Variants in COL11A2 observed in about 807,000 individuals in gnomAD.
The protein encoded by COL11A2 is collagen type XI alpha 2 chain.
Under a neutral mutation model 273.4 loss-of-function variants are expected in COL11A2, and 116 were observed. The observed-to-expected ratio is 0.42, with a 90% CI of 0.36 to 0.49. The LOEUF (loss-of-function observed/expected upper bound fraction) is 0.49. Ranked by LOEUF, COL11A2 falls within the 20% of genes least tolerant of loss-of-function variation. COL11A2 has a pLI of 0.00. For missense variants in COL11A2, 1,866 were observed against 2,309.0 expected (o/e 0.81, Z 3.93); for synonymous variants, 782 against 864.2 (o/e 0.90, Z 1.67).
At position 33,175,998 on chromosome 6, in the gene COL11A2, T is replaced by C. The variant is rs1770845175; in HGVS notation, c.2268+18A>G. On this transcript the variant is annotated intron_variant, in intron 29 of 65. Coordinates refer to ENST00000341947, the MANE Select transcript of COL11A2 (RefSeq NM_080680.3). ...CAGTAGAACACGGAATTGGGGCCAGTGTGGGGTCTCTACTCACCCTGTCAC... is the reference window on the plus strand; with the variant it reads ...CAGTAGAACACGGAATTGGGGCCAGCGTGGGGTCTCTACTCACCCTGTCAC... 3 of 1,612,770 alleles carry C rather than the reference T, an allele frequency of 1.9e-6. No homozygotes were observed. The highest frequency in any genetic ancestry group is 2.5e-6 in the Non-Finnish European group (3 of 1,179,914).
chr6:33,173,922 G>T lies in COL11A2; in HGVS notation c.2534C>A (p.Pro845Gln). ...ACCTCGGGGTCCCCGCTGACCCCGT[G>T]GACCCTACAGAGGGAAGAGGAGTTG... The part of the protein sequence containing the change: ...GPRGERGPTG[P>Q]RGQRGPRGAT... Residue 845 changes from proline to glutamine, a missense_variant, in exon 34 of 66, where the codon CCA becomes CAA. Pro to Gln is a moderately conservative substitution (Grantham distance 76). Transcript: ENST00000341947. This position sits in a 1 kb window ranked among gnomAD's most constrained non-coding sequence, Gnocchi z 6.3. The T allele has an allele frequency of 6.2e-7, 1 of 1,614,066 alleles. No homozygotes were observed. The highest frequency in any genetic ancestry group is 8.5e-7 in the Non-Finnish European group (1 of 1,179,972).
intron 8 of COL11A2, among the ~76,000 whole-genome samples, chr6:33,183,474 C>T (rs964981879): frequency 2.0e-5 from 3 of 152,180 alleles, no homozygotes; most frequent in Non-Finnish European, 4.4e-5. Context: ...CTAGGACACA[C>T]AGGAAGTAGC....
At position 33,166,699 on chromosome 6, in the gene COL11A2, G is replaced by GA; in HGVS notation, c.4338+20_4338+21insT. 6.2e-7 allele frequency: 1 copy of GA among 1,613,552 alleles called. No individual in the cohort carries two copies. On this transcript the variant is annotated intron_variant, in intron 59 of 65. Coordinates refer to ENST00000341947, the MANE Select transcript of COL11A2 (RefSeq NM_080680.3). This position sits in a 1 kb window ranked among gnomAD's most constrained non-coding sequence, Gnocchi z 4.8. ...CCCACTCTCAACCCCCACAACTTCCGGGACCATGCCCTCTACTCACCATCT... is the reference window on the plus strand; with the variant it reads ...CCCACTCTCAACCCCCACAACTTCCGAGGACCATGCCCTCTACTCACCATCT...
rs765086657 is a variant in COL11A2, at chr6:33,180,312, C to T, written c.1305G>A (p.Gly435=). 14 of 1,612,712 alleles carry T rather than the reference C, an allele frequency of 8.7e-6. No homozygotes were observed. Among genetic ancestry groups the T allele is most frequent in the Admixed American group, 1.7e-5 (1 of 60,006 alleles). ...PGERGPPGRA[G]LPGSDGAPGP... ...CAGGAGCCCCATCTGATCCAGGGAG[C>T]CCTGCTCGGCCAGGGGGGCCCTGGA... The change falls in exon 12 of 66, where the codon GGG becomes GGA. Residue 435 remains glycine (G), a synonymous_variant. Coordinates refer to ENST00000341947, the MANE Select transcript of COL11A2 (RefSeq NM_080680.3).
At position 33,171,177 on chromosome 6, in the gene COL11A2, A is replaced by T. The variant is rs1769999404; in HGVS notation, c.3313-10T>A. ...GGGGTCCAGGAGGGCCCTGGGTAAGAGAAGAGAGTCAGAGACACCAAAACA... is the reference window on the plus strand; with the variant it reads ...GGGGTCCAGGAGGGCCCTGGGTAAGTGAAGAGAGTCAGAGACACCAAAACA... On this transcript the variant is annotated splice_polypyrimidine_tract_variant and intron_variant, in intron 44 of 65. Transcript: ENST00000341947. 6.2e-7 allele frequency: 1 copy of T among 1,610,636 alleles called. No individual in the cohort carries two copies. The highest frequency in any genetic ancestry group is 1.3e-5 in the African/African-American group (1 of 74,708).
In COL11A2 at chr6:33,169,072, C is replaced by A; in HGVS notation, c.3799-64G>T. On this transcript the variant is annotated intron_variant, in intron 51 of 65. Coordinates refer to ENST00000341947, the MANE Select transcript of COL11A2 (RefSeq NM_080680.3). This position sits in a 1 kb window ranked among gnomAD's most constrained non-coding sequence, Gnocchi z 5.5. The stretch of plus-strand genomic sequence containing the variant: ...CCTAAGCCCACCCAGCACAGACGCC[C>A]ACAGGCACACGCCACTGCCTCTCTA... The A allele has an allele frequency of 6.7e-7, 1 of 1,485,356 alleles. No individual in the cohort carries two copies. The highest frequency in any genetic ancestry group is 9.1e-7 in the Non-Finnish European group (1 of 1,096,770). The allele number at this position is 1,485,356 out of a possible 1,614,324, so 92.0% of individuals were successfully genotyped here. A position where few individuals can be genotyped will look rare whatever the true frequency, so the allele number is the denominator to read the frequency against.
chr6:33,179,353 AAAG>A lies in COL11A2; in HGVS notation c.1504-72_1504-70del. On this transcript the variant is annotated intron_variant, in intron 14 of 65. Coordinates refer to ENST00000341947, the MANE Select transcript of COL11A2 (RefSeq NM_080680.3). The surrounding 1 kb of genome is among the most constrained non-coding windows in gnomAD (Gnocchi z 6.4). Reference sequence around the variant, plus strand: ...AACAGTGGCCTCGGAGTGTTCCCCAAAAGAAGCCCCTTTCCAGAACTATCCACA... The same window carrying A: ...AACAGTGGCCTCGGAGTGTTCCCCAAAAGCCCCTTTCCAGAACTATCCACA... 1 of 1,578,516 alleles carries A rather than the reference AAAG, an allele frequency of 6.3e-7. No homozygotes were observed. Among genetic ancestry groups the A allele is most frequent in the Non-Finnish European group, 8.6e-7 (1 of 1,162,588 alleles).
Position 33,170,434 on chromosome 6 carries a change from G to A in COL11A2, c.3529-55C>T. The A allele has an allele frequency of 6.3e-7, 1 of 1,595,480 alleles. No homozygotes were observed. The highest frequency in any genetic ancestry group is 8.6e-7 in the Non-Finnish European group (1 of 1,166,344). ...GAAGGGAAGTGAGATGGCTGAGCAT[G>A]AATGGTGGAGAGAGGAGGAGGAGCA... On this transcript the variant is annotated intron_variant, in intron 47 of 65. Coordinates refer to ENST00000341947, the MANE Select transcript of COL11A2 (RefSeq NM_080680.3). The surrounding 1 kb of genome is among the most constrained non-coding windows in gnomAD (Gnocchi z 4.3).
Position 33,179,738 on chromosome 6 carries a change from G to C in COL11A2, c.1427C>G (p.Ala476Gly), listed in dbSNP as rs373983482. ...ACTCACCCTCGCCTGCTGCAGGATC[G>C]CCTGGGCCTGAGCCTCCTGGGCCGC... Reference protein sequence around the residue: ...VVAAQEAQAQAILQQARLALR... With the variant: ...VVAAQEAQAQGILQQARLALR... Residue 476 changes from alanine to glycine, a missense_variant, in exon 13 of 66, where the codon GCG becomes GGG. By Grantham distance (60) the Ala-to-Gly change is moderately conservative. Coordinates refer to ENST00000341947, the MANE Select transcript of COL11A2 (RefSeq NM_080680.3). This position sits in a 1 kb window ranked among gnomAD's most constrained non-coding sequence, Gnocchi z 6.4. 1.2e-6 allele frequency: 2 copies of C among 1,611,984 alleles called. No individual in the cohort carries two copies. The highest frequency in any genetic ancestry group is 1.3e-5 in the African/African-American group (1 of 74,990).
chr6:33,181,373 C>T (rs1449326242), intron 8 of COL11A2, among the ~76,000 whole-genome samples: 3 of 152,196 alleles, frequency 2.0e-5, no homozygotes, highest in Non-Finnish European at 4.4e-5. Flanking sequence ...TTCCCTGCCC[C>T]CCCAGTTCCC....
intron 43 of COL11A2, 65 bp from the exon 44 acceptor site, chr6:33,171,389 A>ACAGGGGC: frequency 1.2e-6 from 2 of 1,611,446 alleles, no homozygotes; most frequent in Non-Finnish European, 1.7e-6. Flanking sequence ...GGATGACATG[A>ACAGGGGC]CAGGGGCCAG....
chr6:33,168,047 T>C (rs1202111810), intron 54 of COL11A2, among the ~76,000 whole-genome samples, 195 bp from the exon 55 acceptor site: 1 of 152,034 alleles, frequency 6.6e-6, no homozygotes, highest in Non-Finnish European at 1.5e-5. Context: ...GGGTAGTCTG[T>C]ACATTTGGTG....
At position 33,179,681 on chromosome 6, in the gene COL11A2, C is replaced by T. The variant is rs1179380805; in HGVS notation, c.1446+38G>A. ...CTCCAGCCAACCCTTCCAGTGCCCC[C>T]CAGAGCCTTCCCTTTCCAGGGAAGC... On this transcript the variant is annotated intron_variant, in intron 13 of 65. Transcript: ENST00000341947. The surrounding 1 kb of genome is among the most constrained non-coding windows in gnomAD (Gnocchi z 6.4). The T allele has an allele frequency of 1.2e-6, 2 of 1,607,570 alleles. No homozygotes were observed. Among genetic ancestry groups the T allele is most frequent in the Non-Finnish European group, 1.7e-6 (2 of 1,178,282 alleles).
At position 33,173,117 on chromosome 6, in the gene COL11A2, G is replaced by A. The variant is rs1322401943; in HGVS notation, c.2737-4C>T. On this transcript the variant is annotated splice_region_variant and splice_polypyrimidine_tract_variant and intron_variant, in intron 37 of 65. Transcript: ENST00000341947. The surrounding 1 kb of genome is among the most constrained non-coding windows in gnomAD (Gnocchi z 6.3). ...GGCCGGTCTTCCCTTGGAAACCCTA[G>A]GCGAGGAAGAGAGGAGAATGCAGTG... The A allele has an allele frequency of 6.8e-6, 11 of 1,611,416 alleles. No individual in the cohort carries two copies. The Admixed American group carries it at 8.4e-5, about 12-fold the overall frequency.
rs202015983 is a variant in COL11A2 at position 33,174,236 on chromosome 6, G to A, written c.2431-18C>T. On this transcript the variant is annotated intron_variant, in intron 31 of 65. Transcript: ENST00000341947. ...AGGGACCCCTGGTGAGAACGGAGAA[G>A]GGGGGAAATTGAGAAGTTATGAAAG... 2 of 1,069,246 alleles carry A rather than the reference G, an allele frequency of 1.9e-6. No individual in the cohort carries two copies. The highest frequency in any genetic ancestry group is 2.5e-4 in the Middle Eastern group (1 of 4,048). 66.2% of individuals were successfully genotyped at this position (1,069,246 alleles called of 1,614,324 possible). A position where few individuals can be genotyped will look rare whatever the true frequency, so the allele number is the denominator to read the frequency against.
At position 33,176,580 on chromosome 6, in the gene COL11A2, G is replaced by C. The variant is rs181424131; in HGVS notation, c.2116-94C>G. 132 of 1,414,912 alleles carry C rather than the reference G, an allele frequency of 9.3e-5. No individual in the cohort carries two copies. In the Middle Eastern group the frequency reaches 1.2e-3, roughly 13 times the overall value. The allele number at this position is 1,414,912 out of a possible 1,614,324, so 87.6% of individuals were successfully genotyped here. ...AAGAAATGGAAGTAACAACATTGCT[G>C]TCTGGGTAGGGTTACGGGGCACAGG... On this transcript the variant is annotated intron_variant, in intron 26 of 65. Transcript: ENST00000341947. This position sits in a 1 kb window ranked among gnomAD's most constrained non-coding sequence, Gnocchi z 4.9.
Position 33,175,623 on chromosome 6 carries a change from C to G in COL11A2, c.2327G>C (p.Arg776Pro). The G allele has an allele frequency of 5.6e-6, 9 of 1,612,944 alleles. No homozygotes were observed. The highest frequency in any genetic ancestry group is 7.6e-6 in the Non-Finnish European group (9 of 1,180,006). Residue 776 changes from arginine (R) to proline (P), a missense_variant, in exon 30 of 66, where the codon CGC (arginine) becomes CCC (proline). Physicochemically the swap from Arg to Pro is moderately radical, Grantham distance 103. Coordinates refer to ENST00000341947, the MANE Select transcript of COL11A2 (RefSeq NM_080680.3). ...CCCAGGGTCTCCAGTCGGTCCAGTG[C>G]GTCCCTTTGGCCCCTCAGGACCATC... Reference protein sequence around the residue: ...GEDGPEGPKGRTGPTGDPGPP... With the variant: ...GEDGPEGPKGPTGPTGDPGPP...
chr6:33,178,159 T>A lies in COL11A2; in HGVS notation c.1845A>T (p.Lys615Asn), dbSNP rs572797927. Reference protein sequence around the residue: ...ESGPRGLLGPKGPPGIPGPPG... With the variant: ...ESGPRGLLGPNGPPGIPGPPG... Reference sequence around the variant, plus strand: ...GGGGTCCAGGAATACCAGGTGGGCCTTTGGGGCCAAGGAGACCTCGAGGTC... The same window carrying A: ...GGGGTCCAGGAATACCAGGTGGGCCATTGGGGCCAAGGAGACCTCGAGGTC... The change falls in exon 21 of 66, where the codon AAA becomes AAT. Residue 615 changes from lysine (K) to asparagine (N), a missense_variant. Transcript: ENST00000341947. This position sits in a 1 kb window ranked among gnomAD's most constrained non-coding sequence, Gnocchi z 4.6. 6.2e-7 allele frequency: 1 copy of A among 1,610,766 alleles called. No individual in the cohort carries two copies. Among genetic ancestry groups the A allele is most frequent in the Non-Finnish European group, 8.5e-7 (1 of 1,178,546 alleles).
chr6:33,176,947 T>G lies in COL11A2; in HGVS notation c.2070+45A>C. On this transcript the variant is annotated intron_variant, in intron 25 of 65. Coordinates refer to ENST00000341947, the MANE Select transcript of COL11A2 (RefSeq NM_080680.3). The surrounding 1 kb of genome is among the most constrained non-coding windows in gnomAD (Gnocchi z 4.9). ...GGAGCTCTGAGGTCATGCACTGGGG[T>G]GGAAGGCCAAGGGGAACTGGATTCG... The G allele has an allele frequency of 6.3e-7, 1 of 1,595,000 alleles. No homozygotes were observed. The highest frequency in any genetic ancestry group is 8.5e-7 in the Non-Finnish European group (1 of 1,170,004).
Sources: allele counts gnomAD v4.1 joint callset (sites outside exome capture counted in the v4.1 genomes callset), GRCh38; gene constraint gnomAD v4.1.1; non-coding constraint Gnocchi (gnomAD v3.1); transcripts MANE v1.5; gene names NCBI Gene and HGNC (gene_info 2026-07-23, HGNC 2026-07-21).